PPP2R3A: variants seen among roughly 807,000 people sequenced by gnomAD.
PPP2R3A encodes protein phosphatase 2 regulatory subunit B''alpha.
A neutral mutation model predicts 106.9 loss-of-function variants in PPP2R3A; 80 were observed. The observed-to-expected ratio is 0.75, with a 90% CI of 0.62 to 0.90. The LOEUF is 0.90. PPP2R3A is among the 40% of genes least tolerant of loss of function. The pLI, the probability that PPP2R3A is intolerant of heterozygous loss-of-function variation, is 0.00. For synonymous variants in PPP2R3A, 483 were observed against 468.3 expected (o/e 1.03, Z -0.41); for missense variants, 1,386 against 1,350.4 (o/e 1.03, Z -0.41).
intron 3 of PPP2R3A, among the ~76,000 whole-genome samples, chr3:136,040,320 A>G (rs1347841660): frequency 6.6e-6 from 1 of 152,210 alleles, no homozygotes; most frequent in African/African-American, 2.4e-5. Context: ...CAGGTGAATC[A>G]TTTGAGATCG....
intron 10 of PPP2R3A, among the ~76,000 whole-genome samples, chr3:136,091,918 G>C (rs1479343380): frequency 2.0e-5 from 3 of 151,992 alleles, no homozygotes; most frequent in African/African-American, 7.3e-5. Context: ...ATTTTTTTCA[G>C]ATTTTGAACT....
chr3:136,144,135 G>A (rs114363544), intron 13 of PPP2R3A, among the ~76,000 whole-genome samples: 374 of 152,320 alleles, frequency 2.5e-3, no homozygotes, highest in Non-Finnish European at 4.2e-3. Context: ...AACCTTAGGG[G>A]TAGCCTGGAG....
At chr3:136,136,266 TATATA>T (rs1446523349) in intron 13 of PPP2R3A, among the ~76,000 whole-genome samples, 2 of 151,894 alleles carry the variant, frequency 1.3e-5, no homozygotes, top group South Asian at 2.1e-4. Flanking sequence ...TAAGACAGTG[TATATA>T]ATATAAGGCC....
chr3:136,088,948 G>A lies in PPP2R3A; in HGVS notation c.2837+1017G>A, dbSNP rs112337870. 7.4e-3 allele frequency among the ~76,000 whole-genome samples: 1,130 copies of A among 152,032 alleles called. 22 individuals are homozygous for A. Among genetic ancestry groups the A allele is most frequent in the African/African-American group, 0.025 (1,022 of 41,486 alleles). On this transcript the variant is annotated intron_variant, in intron 9 of 13. Coordinates refer to ENST00000264977, the MANE Select transcript of PPP2R3A (RefSeq NM_002718.5). ...TTTTAAATGGGGTTGTTTTTTGCTT[G>A]TTGATTTAAGTTCGATATAGAGTCT...
At chr3:136,011,528 T>G (rs1934074072) in intron 2 of PPP2R3A, among the ~76,000 whole-genome samples, 2 of 152,206 alleles carry the variant, frequency 1.3e-5, no homozygotes, top group African/African-American at 4.8e-5. Flanking sequence ...TAAATTCTCT[T>G]AGATACCCTA....
intron 13 of PPP2R3A, among the ~76,000 whole-genome samples, chr3:136,122,513 G>A (rs976423754): frequency 1.3e-5 from 2 of 152,046 alleles, no homozygotes; most frequent in African/African-American, 4.8e-5. Flanking sequence ...CTTGAATACT[G>A]TATTTTTACC....
At chr3:136,065,234 A>G (rs1289405479) in intron 5 of PPP2R3A, among the ~76,000 whole-genome samples, 4 of 152,202 alleles carry the variant, frequency 2.6e-5, no homozygotes, top group East Asian at 1.9e-4. Context: ...CAAAGAATCA[A>G]TATTTTCTAA....
At chr3:136,023,497 C>CATTTTACAATT (rs1934535537) in intron 2 of PPP2R3A, among the ~76,000 whole-genome samples, 2 of 152,018 alleles carry the variant, frequency 1.3e-5, no homozygotes, top group African/African-American at 4.8e-5. Context: ...ACTTAATGAA[C>CATTTTACAATT]ATTTTACAAT....
intron 6 of PPP2R3A, among the ~76,000 whole-genome samples, chr3:136,073,256 C>G (rs370028309): frequency 6.6e-6 from 1 of 152,114 alleles, no homozygotes; most frequent in African/African-American, 2.4e-5. Flanking sequence ...CATGAGCCAC[C>G]GCACCCAGCC....
chr3:135,978,975 T>C (rs1194013214), intron 1 of PPP2R3A, among the ~76,000 whole-genome samples: 1 of 151,922 alleles, frequency 6.6e-6, no homozygotes, highest in Non-Finnish European at 1.5e-5. Context: ...TCTTTAATGA[T>C]ACGCTGATTT....
intron 10 of PPP2R3A, among the ~76,000 whole-genome samples, chr3:136,096,761 G>A (rs1164879228): frequency 1.3e-5 from 2 of 152,242 alleles, no homozygotes; most frequent in Non-Finnish European, 2.9e-5. Flanking sequence ...TTAGGGGTAA[G>A]AAATCACTTG....
intron 2 of PPP2R3A, chr3:136,023,195 G>A (rs1934525073): frequency 6.2e-7 from 1 of 1,605,374 alleles, no homozygotes; most frequent in African/African-American, 1.4e-5. Flanking sequence ...CATTTCAGCA[G>A]ACACAGGTTT....
chr3:136,055,034 A>G (rs1033581889), intron 5 of PPP2R3A: 15 of 283,824 alleles, frequency 5.3e-5, no homozygotes, highest in Admixed American at 5.2e-4. Context: ...TGCTCAGTGC[A>G]TGTAATAAAA....
intron 13 of PPP2R3A, among the ~76,000 whole-genome samples, chr3:136,122,340 A>G (rs1001065584): frequency 1.3e-5 from 2 of 152,142 alleles, no homozygotes; most frequent in Non-Finnish European, 2.9e-5. Context: ...CAGGATGACA[A>G]AATAAAGTAC....
At chr3:136,121,092 C>T (rs1937979571) in intron 13 of PPP2R3A, among the ~76,000 whole-genome samples, 1 of 152,026 alleles carries the variant, frequency 6.6e-6, no homozygotes, top group South Asian at 2.1e-4. Flanking sequence ...TATATATACC[C>T]AAAGGAAAAT....
At chr3:136,137,899 A>C (rs555092047) in intron 13 of PPP2R3A, among the ~76,000 whole-genome samples, 1 of 152,274 alleles carries the variant, frequency 6.6e-6, no homozygotes, top group East Asian at 1.9e-4. Context: ...CTATAGGTAA[A>C]GAAAGCCAGC....
At chr3:136,093,238 G>A (rs928993539) in intron 10 of PPP2R3A, among the ~76,000 whole-genome samples, 8 of 152,196 alleles carry the variant, frequency 5.3e-5, no homozygotes, top group East Asian at 1.9e-4. Context: ...GTGAAACCCC[G>A]TCTCTACCAG....
At chr3:135,995,648 T>G (rs1028235909) in intron 1 of PPP2R3A, among the ~76,000 whole-genome samples, 1 of 151,932 alleles carries the variant, frequency 6.6e-6, no homozygotes, top group Non-Finnish European at 1.5e-5. Flanking sequence ...AATTTTTGTA[T>G]TTTTAGTAGA....
chr3:136,014,008 A>AT (rs1934187528), intron 2 of PPP2R3A, among the ~76,000 whole-genome samples: 1 of 152,044 alleles, frequency 6.6e-6, no homozygotes, highest in Non-Finnish European at 1.5e-5. Flanking sequence ...TCTTGAGTTG[A>AT]TTTTTGTGTA....
Sources: gnomAD v4.1 joint callset for allele counts (sites outside exome capture counted in the v4.1 genomes callset) on GRCh38, gnomAD v4.1.1 for gene constraint, MANE v1.5 for transcripts, NCBI Gene and HGNC (gene_info 2026-07-23, HGNC 2026-07-21) for gene names.